The following PTPRM variants were observed in gnomAD, a reference collection of about 807,000 sequenced individuals.
PTPRM encodes the protein protein tyrosine phosphatase receptor type M.
Under a neutral mutation model 186.7 loss-of-function variants are expected in PTPRM, and 47 were observed. The ratio of observed to expected loss-of-function variants is 0.25; its 90% CI spans 0.20 to 0.32. PTPRM has a LOEUF of 0.32. PTPRM is among the 10% of genes least tolerant of loss of function. The pLI is 1.00. For missense variants in PTPRM, 1,494 were observed against 1,865.0 expected (o/e 0.80, Z 3.66); for synonymous variants, 668 against 674.9 (o/e 0.99, Z 0.16).
At chr18:8,079,359 C>A (rs1163058703) in intron 9 of PTPRM, among the ~76,000 whole-genome samples, 2 of 152,162 alleles carry the variant, frequency 1.3e-5, no homozygotes, top group Non-Finnish European at 1.5e-5. Context: ...CTATCAAAAT[C>A]TCTTATTTTG....
chr18:8,245,331 C>T (rs2094467792), intron 15 of PTPRM, among the ~76,000 whole-genome samples: 1 of 152,146 alleles, frequency 6.6e-6, no homozygotes, highest in Non-Finnish European at 1.5e-5. Context: ...TCAGTTTGTA[C>T]TACACACACA....
intron 2 of PTPRM, among the ~76,000 whole-genome samples, chr18:7,877,038 TGTAA>T (rs1170441626): frequency 5.3e-5 from 8 of 152,180 alleles, no homozygotes; most frequent in East Asian, 1.9e-4. Context: ...TTAAATATCA[TGTAA>T]GTGTTAGCTA....
chr18:7,739,590 A>T (rs2040845793), intron 1 of PTPRM, among the ~76,000 whole-genome samples: 1 of 152,196 alleles, frequency 6.6e-6, no homozygotes, highest in Admixed American at 6.5e-5. Flanking sequence ...CTTCAACTTT[A>T]GGATAAATGG....
chr18:8,192,478 G>C (rs564194477), intron 14 of PTPRM, among the ~76,000 whole-genome samples: 1 of 152,120 alleles, frequency 6.6e-6, no homozygotes, highest in African/African-American at 2.4e-5. Flanking sequence ...AAGAACACAA[G>C]AGCCTGCATG....
chr18:8,069,900 G>C lies in PTPRM; in HGVS notation c.1347G>C (p.Leu449=). Residue 449 remains leucine, a synonymous_variant, in exon 8 of 33, where the codon CTG becomes CTC. Coordinates refer to ENST00000580170, the MANE Select transcript of PTPRM (RefSeq NM_001105244.2). The part of the protein sequence containing the change: ...NSHPQHTITN[L]SPYTNVSVKL... ...ACCCTCAACACACGATCACTAACCTGTCACCATACACCAATGTCAGTGTGA... is the reference window on the plus strand; with the variant it reads ...ACCCTCAACACACGATCACTAACCTCTCACCATACACCAATGTCAGTGTGA... 1.2e-6 allele frequency: 2 copies of C among 1,613,914 alleles called. No homozygotes were observed. Among genetic ancestry groups the C allele is most frequent in the Non-Finnish European group, 1.7e-6 (2 of 1,179,850 alleles).
chr18:7,583,553 G>C (rs540794005), intron 1 of PTPRM, among the ~76,000 whole-genome samples: 1 of 152,282 alleles, frequency 6.6e-6, no homozygotes, highest in African/African-American at 2.4e-5. Flanking sequence ...TGTAAGATTG[G>C]CACAGCCCAG....
At chr18:7,609,713 T>C (rs1369782791) in intron 1 of PTPRM, among the ~76,000 whole-genome samples, 2 of 152,052 alleles carry the variant, frequency 1.3e-5, no homozygotes, top group Non-Finnish European at 2.9e-5. Context: ...CATTGGAGGA[T>C]CTCCCAAACC....
At chr18:8,224,456 T>A (rs1021489618) in intron 14 of PTPRM, among the ~76,000 whole-genome samples, 1 of 152,228 alleles carries the variant, frequency 6.6e-6, no homozygotes, top group African/African-American at 2.4e-5. Context: ...TGGCTTCATA[T>A]GGCGTGTGCA....
intron 7 of PTPRM, among the ~76,000 whole-genome samples, chr18:7,965,476 G>A (rs779142985): frequency 6.6e-6 from 1 of 152,102 alleles, no homozygotes; most frequent in Non-Finnish European, 1.5e-5. Flanking sequence ...CAGGAAGGTA[G>A]GTGAACCCTT....
intron 4 of PTPRM, among the ~76,000 whole-genome samples, chr18:7,917,271 C>T (rs983261367): frequency 4.6e-5 from 7 of 152,206 alleles, no homozygotes; most frequent in Non-Finnish European, 8.8e-5. Flanking sequence ...CGGTGGCTCA[C>T]GCCTGTAATC....
intron 1 of PTPRM, among the ~76,000 whole-genome samples, chr18:7,602,151 T>C (rs2037417974): frequency 6.6e-6 from 1 of 152,176 alleles, no homozygotes; most frequent in East Asian, 1.9e-4. Flanking sequence ...AAGTCTGTGC[T>C]CTTTAAAGTG....
chr18:8,228,835 C>T (rs557420850), intron 14 of PTPRM, among the ~76,000 whole-genome samples: 1 of 152,156 alleles, frequency 6.6e-6, no homozygotes, highest in East Asian at 1.9e-4. Flanking sequence ...CCTGGCGACA[C>T]AGCAAGACTC....
At chr18:8,233,405 C>T (rs2094310092) in intron 14 of PTPRM, among the ~76,000 whole-genome samples, 1 of 152,150 alleles carries the variant, frequency 6.6e-6, no homozygotes. Flanking sequence ...TTTGCATTTT[C>T]CTTATAACAT....
chr18:7,772,395 CTTTCTTTCTTTCTTTCTTTT>C lies in PTPRM; in HGVS notation c.74-1753_74-1734del, dbSNP rs1443496326. ...TCTTTCTTTCTTTCTTTCTTTCTTT[CTTTCTTTCTTTCTTTCTTTT>C]CTTTCTTTCTCCCTTCCCCTTCCCC... is the stretch of plus-strand genomic sequence containing the variant. On this transcript the variant is annotated intron_variant, in intron 1 of 32. Coordinates refer to ENST00000580170, the MANE Select transcript of PTPRM (RefSeq NM_001105244.2). Among the ~76,000 whole-genome samples, 23 of 96,022 alleles carry C rather than the reference CTTTCTTTCTTTCTTTCTTTT, an allele frequency of 2.4e-4. No individual in the cohort carries two copies. In the East Asian group the frequency reaches 6.9e-3, roughly 29 times the overall value. The allele number at this position is 96,022 out of a possible 152,430, so 63.0% of individuals were successfully genotyped here.
intron 9 of PTPRM, among the ~76,000 whole-genome samples, chr18:8,083,381 C>T (rs1443169733): frequency 6.6e-6 from 1 of 152,108 alleles, no homozygotes; most frequent in East Asian, 1.9e-4. Flanking sequence ...CCCACTCACT[C>T]CCGCTTCACT....
At chr18:8,118,386 C>T (rs982027523) in intron 13 of PTPRM, among the ~76,000 whole-genome samples, 1 of 152,124 alleles carries the variant, frequency 6.6e-6, no homozygotes, top group Non-Finnish European at 1.5e-5. Flanking sequence ...TTGATCCTCT[C>T]CTTGCTGTTA....
chr18:7,786,496 G>A (rs2043102128), intron 2 of PTPRM, among the ~76,000 whole-genome samples: 1 of 152,140 alleles, frequency 6.6e-6, no homozygotes, highest in Non-Finnish European at 1.5e-5. Flanking sequence ...GTTACCCATA[G>A]AAAATGCATA....
At chr18:7,840,862 A>G (rs948195347) in intron 2 of PTPRM, among the ~76,000 whole-genome samples, 11 of 152,206 alleles carry the variant, frequency 7.2e-5, no homozygotes, top group African/African-American at 2.7e-4. Context: ...TGTGTTTGTT[A>G]TATTAAAACT....
intron 13 of PTPRM, among the ~76,000 whole-genome samples, chr18:8,116,557 G>A (rs1470372335): frequency 6.6e-6 from 1 of 152,186 alleles, no homozygotes; most frequent in Admixed American, 6.5e-5. Context: ...TGACAGTATT[G>A]TGTAGTGTAA....
Sources: allele counts gnomAD v4.1 joint callset (sites outside exome capture counted in the v4.1 genomes callset), GRCh38; gene constraint gnomAD v4.1.1; transcripts MANE v1.5; gene names NCBI Gene and HGNC (gene_info 2026-07-23, HGNC 2026-07-21).